The following PSMA1 variants were observed in gnomAD, a reference collection of about 807,000 sequenced individuals.
PSMA1 encodes proteasome 20S subunit alpha 1.
Under a neutral mutation model 38.4 loss-of-function variants are expected in PSMA1, and 3 were observed. The observed-to-expected ratio is 0.08, with a 90% CI of 0.04 to 0.20. PSMA1 has a LOEUF of 0.20. PSMA1 is among the 10% of genes least tolerant of loss of function. PSMA1 has a pLI of 1.00. For missense variants in PSMA1, 227 were observed against 325.3 expected, an observed-to-expected ratio of 0.70 and a Z score of 2.32; for synonymous variants, 101 against 107.1, an observed-to-expected ratio of 0.94 and a Z score of 0.35.
At chr11:14,553,589 CT>C (rs139626402) in intron 2 of PSMA1, among the ~76,000 whole-genome samples, 25 of 148,370 alleles carry the variant, frequency 1.7e-4, no homozygotes, top group East Asian at 3.9e-4. Flanking sequence ...TTGAGATTGG[CT>C]TTTTTTTTTC....
intron 2 of PSMA1, among the ~76,000 whole-genome samples, chr11:14,573,590 T>C (rs1487268843): frequency 6.6e-6 from 1 of 152,212 alleles, no homozygotes; most frequent in South Asian, 2.1e-4. Context: ...GCATTCCCTT[T>C]GAAAACTGGC....
chr11:14,525,650 G>A (rs188421911), intron 2 of PSMA1, among the ~76,000 whole-genome samples: 47 of 152,178 alleles, frequency 3.1e-4, no homozygotes, highest in African/African-American at 9.9e-4. Context: ...TGCGCAACCC[G>A]TACACTCTTT....
intron 2 of PSMA1, 113 bp downstream of exon 2, chr11:14,518,883 AC>A: frequency 1.2e-6 from 1 of 840,892 alleles, no homozygotes; most frequent in Non-Finnish European, 1.8e-6. Flanking sequence ...ACTTCCAAGA[AC>A]GTCTAAAATA....
At chr11:14,548,008 A>C (rs1040608462) in intron 2 of PSMA1, among the ~76,000 whole-genome samples, 3 of 151,312 alleles carry the variant, frequency 2.0e-5, no homozygotes, top group African/African-American at 7.3e-5. Flanking sequence ...CTGAGAGATC[A>C]CTATATACAA....
chr11:14,582,719 TG>T (rs1852297555), intron 2 of PSMA1, among the ~76,000 whole-genome samples: 1 of 148,514 alleles, frequency 6.7e-6, no homozygotes, highest in African/African-American at 2.5e-5. Flanking sequence ...TTAGTAGAGA[TG>T]GGGTTTCACC....
At chr11:14,555,708 C>T (rs1163981714) in intron 2 of PSMA1, among the ~76,000 whole-genome samples, 1 of 152,046 alleles carries the variant, frequency 6.6e-6, no homozygotes, top group Non-Finnish European at 1.5e-5. Flanking sequence ...TTTCTTCTAC[C>T]ACCCTCTCCA....
At chr11:14,570,508 G>C (rs1852125671) in intron 2 of PSMA1, among the ~76,000 whole-genome samples, 1 of 152,188 alleles carries the variant, frequency 6.6e-6, no homozygotes, top group Non-Finnish European at 1.5e-5. Flanking sequence ...AAACAGCATA[G>C]AGAAGACCGT....
At chr11:14,531,233 T>A (rs1431418650) in intron 2 of PSMA1, among the ~76,000 whole-genome samples, 1 of 152,150 alleles carries the variant, frequency 6.6e-6, no homozygotes, top group Non-Finnish European at 1.5e-5. Flanking sequence ...GTACAAATGA[T>A]TTCATCATGC....
upstream of PSMA1, among the ~76,000 whole-genome samples, chr11:14,524,411 C>T (rs1244422849): frequency 6.6e-6 from 1 of 152,188 alleles, no homozygotes; most frequent in African/African-American, 2.4e-5. Context: ...CTGCCCCAAC[C>T]TAACTGATCA....
At chr11:14,600,754 G>C (rs1173821783) in intron 2 of PSMA1, among the ~76,000 whole-genome samples, 1 of 152,184 alleles carries the variant, frequency 6.6e-6, no homozygotes, top group African/African-American at 2.4e-5. Flanking sequence ...TGCACCCACT[G>C]TTCAACCAGT....
At chr11:14,506,721 T>C (rs775106390) in intron 9 of PSMA1, among the ~76,000 whole-genome samples, 2 of 152,200 alleles carry the variant, frequency 1.3e-5, no homozygotes, top group Non-Finnish European at 2.9e-5. Context: ...TGACTCACTT[T>C]AACCAACAGA....
At chr11:14,614,620 G>A (rs967013909) in intron 1 of PSMA1, among the ~76,000 whole-genome samples, 1 of 152,094 alleles carries the variant, frequency 6.6e-6, no homozygotes, top group African/African-American at 2.4e-5. Flanking sequence ...TACCACCATC[G>A]ATCTAGTTTC....
intron 2 of PSMA1, among the ~76,000 whole-genome samples, chr11:14,561,755 A>C (rs577634121): frequency 6.6e-6 from 1 of 152,140 alleles, no homozygotes; most frequent in African/African-American, 2.4e-5. Flanking sequence ...ACCTGCACAA[A>C]AGGACAACAG....
intron 2 of PSMA1, among the ~76,000 whole-genome samples, chr11:14,595,022 C>A (rs1852468305): frequency 6.6e-6 from 1 of 151,224 alleles, no homozygotes; most frequent in African/African-American, 2.4e-5. Context: ...GATTTTCTAT[C>A]CTTATGACAG....
intron 2 of PSMA1, among the ~76,000 whole-genome samples, chr11:14,608,266 T>C (rs554548736): frequency 6.6e-6 from 1 of 152,104 alleles, no homozygotes; most frequent in East Asian, 1.9e-4. Context: ...CAGGAGGATC[T>C]CTTCAGCTCA....
chr11:14,621,664 A>G (rs1852845498), intron 1 of PSMA1, among the ~76,000 whole-genome samples: 1 of 152,198 alleles, frequency 6.6e-6, no homozygotes, highest in South Asian at 2.1e-4. Flanking sequence ...GTCTGTTTCT[A>G]TAAGTAATTC....
chr11:14,581,678 C>A (rs925994050), intron 2 of PSMA1, among the ~76,000 whole-genome samples: 5 of 152,040 alleles, frequency 3.3e-5, no homozygotes, highest in Non-Finnish European at 7.4e-5. Context: ...CTCAAAATAG[C>A]TTAAGAAAAA....
At chr11:14,595,561 G>A (rs1450290678) in intron 2 of PSMA1, among the ~76,000 whole-genome samples, 1 of 152,212 alleles carries the variant, frequency 6.6e-6, no homozygotes, top group African/African-American at 2.4e-5. Flanking sequence ...CTTTGCAGAA[G>A]TGTCTGTTCA....
At chr11:14,574,631 G>A (rs902728336) in intron 2 of PSMA1, among the ~76,000 whole-genome samples, 9 of 152,140 alleles carry the variant, frequency 5.9e-5, no homozygotes, top group African/African-American at 2.2e-4. Context: ...TCCTGATTGT[G>A]AGTTTTCATG....
Sources: gnomAD v4.1 joint callset for allele counts (sites outside exome capture counted in the v4.1 genomes callset) on GRCh38, gnomAD v4.1.1 for gene constraint, MANE v1.5 for transcripts, NCBI Gene and HGNC (gene_info 2026-07-23, HGNC 2026-07-21) for gene names.